The following KCNH5 variants were observed in gnomAD, a reference collection of about 807,000 sequenced individuals.
KCNH5 encodes the protein voltage-gated delayed rectifier potassium channel KCNH5.
Under a neutral mutation model 96.1 loss-of-function variants are expected in KCNH5, and 46 were observed. That is an observed-to-expected ratio of 0.48 (90% CI 0.38 to 0.61). KCNH5 has a LOEUF of 0.61. KCNH5 is among the 20% of genes least tolerant of loss of function. The probability of loss-of-function intolerance (pLI) is 0.00; values close to 1 mark genes in which losing one functional copy is unlikely to be tolerated. For missense variants in KCNH5, 907 were observed against 1,225.8 expected (o/e 0.74, Z 3.88); for synonymous variants, 439 against 449.8 (o/e 0.98, Z 0.30).
intron 10 of KCNH5, among the ~76,000 whole-genome samples, chr14:62,735,866 G>C (rs932995821): frequency 2.0e-5 from 3 of 152,202 alleles, no homozygotes; most frequent in African/African-American, 7.2e-5. Flanking sequence ...AGGAACAGTG[G>C]GAAGATGACA....
At chr14:62,962,994 GATATATT>G (rs1890241336) in intron 6 of KCNH5, among the ~76,000 whole-genome samples, 1 of 152,018 alleles carries the variant, frequency 6.6e-6, no homozygotes, top group Non-Finnish European at 1.5e-5. Flanking sequence ...ATCATTTTCT[GATATATT>G]ATCAGAAGGT....
At chr14:62,924,980 G>T (rs149581612) in intron 7 of KCNH5, among the ~76,000 whole-genome samples, 161 of 152,004 alleles carry the variant, frequency 1.1e-3, no homozygotes, top group Non-Finnish European at 2.0e-3. Context: ...AAACATAAAA[G>T]GTAACTGTGA....
Position 62,792,965 on chromosome 14 carries a change from T to C in KCNH5, c.1822+9364A>G, listed in dbSNP as rs185910447. On this transcript the variant is annotated intron_variant, in intron 9 of 10. Coordinates refer to ENST00000322893, the MANE Select transcript of KCNH5 (RefSeq NM_139318.5). ...CATACAATGGAATATTATTCAGCCT[T>C]TGAAAAGAAGAAAATTCTGTCATTT... Among the ~76,000 whole-genome samples, 13 of 151,870 alleles carry C rather than the reference T, an allele frequency of 8.6e-5. No individual in the cohort carries two copies. The East Asian group carries it at 2.5e-3, about 29-fold the overall frequency.
intron 7 of KCNH5, among the ~76,000 whole-genome samples, chr14:62,894,217 G>A (rs1888766389): frequency 6.6e-6 from 1 of 152,144 alleles, no homozygotes; most frequent in African/African-American, 2.4e-5. Flanking sequence ...TCACTGAGGT[G>A]GCCTAGAATT....
chr14:62,929,742 A>T (rs1395720983), intron 7 of KCNH5, among the ~76,000 whole-genome samples: 1 of 151,206 alleles, frequency 6.6e-6, no homozygotes, highest in African/African-American at 2.4e-5. Context: ...TTACATGGGT[A>T]TATTGTACCC....
chr14:62,793,499 A>T (rs1024085870), intron 9 of KCNH5, among the ~76,000 whole-genome samples: 2 of 151,800 alleles, frequency 1.3e-5, no homozygotes, highest in Non-Finnish European at 3.0e-5. Context: ...GTGTATGAGT[A>T]TGGGCAGTGA....
intron 6 of KCNH5, among the ~76,000 whole-genome samples, chr14:62,977,769 T>C (rs2139564509): frequency 6.6e-6 from 1 of 151,872 alleles, no homozygotes; most frequent in South Asian, 2.1e-4. Flanking sequence ...CTGTAAGGAG[T>C]AGATGCCAAG....
rs141779925 is a variant in KCNH5 at position 62,876,550 on chromosome 14, C to T, written c.1370-26698G>A. ...ACAAAAATCCAGTTTTATTTCTATA[C>T]ACTACCAACAAATAGTTGAAAAGTT... On this transcript the variant is annotated intron_variant, in intron 7 of 10. Coordinates refer to ENST00000322893, the MANE Select transcript of KCNH5 (RefSeq NM_139318.5). Among the ~76,000 whole-genome samples, 595 of 152,274 alleles carry T rather than the reference C, an allele frequency of 3.9e-3. 3 individuals are homozygous for T. The highest frequency in any genetic ancestry group is 0.013 in the African/African-American group (534 of 41,538).
intron 1 of KCNH5, among the ~76,000 whole-genome samples, chr14:63,027,864 T>C (rs998209097): frequency 2.0e-5 from 3 of 152,040 alleles, no homozygotes; most frequent in Non-Finnish European, 2.9e-5. Flanking sequence ...TAGTAAGAAA[T>C]AATATTTACA....
chr14:62,799,304 C>T (rs1337665537), intron 9 of KCNH5, among the ~76,000 whole-genome samples: 31 of 151,966 alleles, frequency 2.0e-4, no homozygotes, highest in Non-Finnish European at 3.4e-4. Flanking sequence ...AAGTTGGGCG[C>T]GGTGGCTGAC....
At chr14:62,943,395 G>C (rs1889826205) in intron 7 of KCNH5, among the ~76,000 whole-genome samples, 1 of 152,062 alleles carries the variant, frequency 6.6e-6, no homozygotes, top group Admixed American at 6.6e-5. Context: ...GTACTATGGT[G>C]CCTTCTGAAT....
intron 7 of KCNH5, among the ~76,000 whole-genome samples, chr14:62,885,821 T>C (rs1888584413): frequency 6.6e-6 from 1 of 152,190 alleles, no homozygotes; most frequent in Admixed American, 6.5e-5. Context: ...CATAATGTAG[T>C]AGAAGGGAGA....
intron 1 of KCNH5, among the ~76,000 whole-genome samples, chr14:63,017,694 ATGAAT>A (rs1382581915): frequency 6.6e-6 from 1 of 151,420 alleles, no homozygotes; most frequent in Admixed American, 6.6e-5. Flanking sequence ...CAACATTAAA[ATGAAT>A]TAAAATTAAA....
chr14:62,918,045 C>T (rs557561182), intron 7 of KCNH5, among the ~76,000 whole-genome samples: 33 of 152,248 alleles, frequency 2.2e-4, no homozygotes, highest in African/African-American at 7.7e-4. Flanking sequence ...GCTTTGGCAT[C>T]AGACTGGCCT....
chr14:63,005,346 G>A (rs960455760), intron 3 of KCNH5, among the ~76,000 whole-genome samples: 1 of 152,136 alleles, frequency 6.6e-6, no homozygotes, highest in African/African-American at 2.4e-5. Flanking sequence ...AAGAGAAATC[G>A]AATTTTAATT....
chr14:62,863,440 A>T (rs1016993245), intron 7 of KCNH5, among the ~76,000 whole-genome samples: 2 of 152,216 alleles, frequency 1.3e-5, no homozygotes, highest in Non-Finnish European at 2.9e-5. Flanking sequence ...CACAAGGTGA[A>T]AATTATCTCC....
intron 9 of KCNH5, among the ~76,000 whole-genome samples, 196 bp from the exon 10 acceptor site, chr14:62,780,120 T>C (rs765204577): frequency 6.6e-6 from 1 of 152,226 alleles, no homozygotes; most frequent in Non-Finnish European, 1.5e-5. Context: ...AATTCAGTTA[T>C]TGATGAAAAT....
chr14:62,753,971 T>C (rs1396821565), intron 10 of KCNH5, among the ~76,000 whole-genome samples: 4 of 152,176 alleles, frequency 2.6e-5, no homozygotes, highest in African/African-American at 9.6e-5. Context: ...AATTGTGCTG[T>C]GTAAACTACT....
chr14:62,733,068 G>A (rs189756337), intron 10 of KCNH5, among the ~76,000 whole-genome samples: 72 of 152,144 alleles, frequency 4.7e-4, no homozygotes, highest in Middle Eastern at 3.4e-3. Context: ...AAACCATAAG[G>A]ACTGTCCATA....
Sources: gnomAD v4.1 joint callset for allele counts (sites outside exome capture counted in the v4.1 genomes callset) on GRCh38, gnomAD v4.1.1 for gene constraint, MANE v1.5 for transcripts, NCBI Gene and HGNC (gene_info 2026-07-23, HGNC 2026-07-21) for gene names.